RABGAP1L: variants seen among roughly 807,000 people sequenced by gnomAD.
RABGAP1L encodes rab GTPase-activating protein 1-like.
A neutral mutation model predicts 137.7 loss-of-function variants in RABGAP1L; 63 were observed. The observed-to-expected ratio is 0.46, with a 90% CI of 0.37 to 0.56. The LOEUF (loss-of-function observed/expected upper bound fraction) is 0.56, where lower values mean the gene tolerates loss of function less well. RABGAP1L is among the 20% of genes least tolerant of loss of function. The pLI, the probability that RABGAP1L is intolerant of heterozygous loss-of-function variation, is 0.00. For synonymous variants in RABGAP1L, 431 were observed against 433.7 expected (o/e 0.99, Z 0.08); for missense variants, 1,095 against 1,244.0 (o/e 0.88, Z 1.80).
At chr1:174,170,753 TCTA>T (rs1336549380) in intron 1 of RABGAP1L, among the ~76,000 whole-genome samples, 2 of 151,776 alleles carry the variant, frequency 1.3e-5, no homozygotes, top group African/African-American at 4.8e-5. Flanking sequence ...ACAGTGACTC[TCTA>T]CTACTACTCT....
At chr1:174,368,838 C>G (rs768689285) in intron 11 of RABGAP1L, among the ~76,000 whole-genome samples, 2 of 152,110 alleles carry the variant, frequency 1.3e-5, no homozygotes, top group Non-Finnish European at 2.9e-5. Context: ...ATTCCTTTCC[C>G]TACAAGAGTA....
At chr1:174,382,904 T>C (rs957774344) in intron 12 of RABGAP1L, among the ~76,000 whole-genome samples, 82 of 151,906 alleles carry the variant, frequency 5.4e-4, no homozygotes, top group Admixed American at 1.0e-3. Context: ...TTCTGTTTTT[T>C]CCCCATCTTT....
At chr1:174,665,532 C>T (rs968087258) in intron 14 of RABGAP1L, among the ~76,000 whole-genome samples, 15 of 151,596 alleles carry the variant, frequency 9.9e-5, no homozygotes, top group South Asian at 8.4e-4. Flanking sequence ...CTCAGCTCAC[C>T]GTAACCTCTG....
chr1:174,580,341 T>C (rs1443101420), intron 13 of RABGAP1L, among the ~76,000 whole-genome samples: 4 of 152,210 alleles, frequency 2.6e-5, no homozygotes, highest in African/African-American at 9.6e-5. Context: ...CATATGTTTA[T>C]TGCGGCACTA....
intron 1 of RABGAP1L, among the ~76,000 whole-genome samples, chr1:174,208,945 A>C (rs1668682724): frequency 6.6e-6 from 1 of 152,208 alleles, no homozygotes; most frequent in Non-Finnish European, 1.5e-5. Flanking sequence ...GTAGAACAGC[A>C]GTCCCCAACC....
chr1:174,701,456 C>T (rs1679640393), intron 16 of RABGAP1L, among the ~76,000 whole-genome samples: 1 of 151,892 alleles, frequency 6.6e-6, no homozygotes, highest in African/African-American at 2.4e-5. Flanking sequence ...AGAATTGAAC[C>T]CTGGGCTGGG....
chr1:174,374,335 G>A (rs1471671589), intron 12 of RABGAP1L, among the ~76,000 whole-genome samples: 1 of 152,036 alleles, frequency 6.6e-6, no homozygotes, highest in Non-Finnish European at 1.5e-5. Context: ...GAAGAACAGG[G>A]GCATAGTCTT....
chr1:174,571,612 A>G (rs1667984370), intron 13 of RABGAP1L, among the ~76,000 whole-genome samples: 4 of 152,166 alleles, frequency 2.6e-5, no homozygotes, highest in Admixed American at 2.6e-4. Context: ...TTTCATAATC[A>G]GTGGTGTATG....
intron 19 of RABGAP1L, among the ~76,000 whole-genome samples, chr1:174,950,288 T>C (rs771347130): frequency 6.6e-6 from 1 of 152,210 alleles, no homozygotes; most frequent in Non-Finnish European, 1.5e-5. Context: ...ATACAACTAA[T>C]AATCATTTAC....
intron 5 of RABGAP1L, among the ~76,000 whole-genome samples, chr1:174,243,741 A>G (rs1672025097): frequency 6.6e-6 from 1 of 152,158 alleles, no homozygotes; most frequent in South Asian, 2.1e-4. Context: ...TTTTACTAAT[A>G]CCCTCATTTT....
At chr1:174,457,982 TTAAG>T (rs1656231302) in intron 13 of RABGAP1L, among the ~76,000 whole-genome samples, 1 of 152,180 alleles carries the variant, frequency 6.6e-6, no homozygotes. Flanking sequence ...ATTCTTTCAT[TTAAG>T]TATTTATCAG....
chr1:174,858,699 AC>A (rs1303818532), intron 19 of RABGAP1L, among the ~76,000 whole-genome samples: 1 of 152,002 alleles, frequency 6.6e-6, no homozygotes, highest in Non-Finnish European at 1.5e-5. Flanking sequence ...CTGCTTGCTG[AC>A]TCTTGGCCTT....
At chr1:174,569,980 C>CT (rs376415332) in intron 13 of RABGAP1L, among the ~76,000 whole-genome samples, 8 of 152,138 alleles carry the variant, frequency 5.3e-5, no homozygotes, top group African/African-American at 1.4e-4. Context: ...TGATATCTAA[C>CT]TTTAAGTTAA....
chr1:174,795,394 A>G lies in RABGAP1L; in HGVS notation c.2212-16438A>G, dbSNP rs574044929. On this transcript the variant is annotated intron_variant, in intron 18 of 25. Coordinates refer to ENST00000681986, the MANE Select transcript of RABGAP1L (RefSeq NM_001366446.1). ...TAAATGGAGAGGAGATGGCACCAAG[A>G]AAGAGTCTATACAAACAAACCTTAT... 1.6e-4 allele frequency among the ~76,000 whole-genome samples: 24 copies of G among 152,280 alleles called. No individual in the cohort carries two copies. The East Asian group carries it at 3.9e-3, about 24-fold the overall frequency.
chr1:174,203,772 G>A (rs1217595334), intron 1 of RABGAP1L, among the ~76,000 whole-genome samples: 1 of 152,068 alleles, frequency 6.6e-6, no homozygotes, highest in Non-Finnish European at 1.5e-5. Flanking sequence ...ATTTCCTTGA[G>A]CAGTGTTTTA....
At chr1:174,434,142 CACACACACA>C (rs1652982970) in intron 13 of RABGAP1L, among the ~76,000 whole-genome samples, 2 of 151,722 alleles carry the variant, frequency 1.3e-5, no homozygotes, top group African/African-American at 4.9e-5. Flanking sequence ...CACACACACA[CACACACACA>C]CCCTGCCTGG....
intron 13 of RABGAP1L, among the ~76,000 whole-genome samples, chr1:174,534,468 T>A (rs973094359): frequency 5.9e-5 from 9 of 151,806 alleles, no homozygotes; most frequent in African/African-American, 2.2e-4. Flanking sequence ...AAACAATAAC[T>A]AATAATAAAA....
At chr1:174,512,079 C>G (rs571954490) in intron 13 of RABGAP1L, among the ~76,000 whole-genome samples, 1 of 152,160 alleles carries the variant, frequency 6.6e-6, no homozygotes, top group South Asian at 2.1e-4. Flanking sequence ...GTATAGTGAT[C>G]AGGGTAATTA....
In RABGAP1L at chr1:174,833,771, T is replaced by C. The variant is rs529471230; in HGVS notation, c.2340+21811T>C. Among the ~76,000 whole-genome samples, 32 of 151,958 alleles carry C rather than the reference T, an allele frequency of 2.1e-4. No homozygotes were observed. In the East Asian group the frequency reaches 4.1e-3, roughly 19 times the overall value. Reference sequence around the variant, plus strand: ...CTTTCAGGATAATGGAAGGGACAGATAACACAAAAATAATATAAAATCGCA... The same window carrying C: ...CTTTCAGGATAATGGAAGGGACAGACAACACAAAAATAATATAAAATCGCA... On this transcript the variant is annotated intron_variant, in intron 19 of 25. Coordinates refer to ENST00000681986, the MANE Select transcript of RABGAP1L (RefSeq NM_001366446.1).
Sources: allele counts gnomAD v4.1 joint callset (sites outside exome capture counted in the v4.1 genomes callset), GRCh38; gene constraint gnomAD v4.1.1; transcripts MANE v1.5; gene names NCBI Gene and HGNC (gene_info 2026-07-23, HGNC 2026-07-21).